RNF180: variants seen among roughly 807,000 people sequenced by gnomAD.
RNF180 encodes E3 ubiquitin-protein ligase RNF180.
RNF180 carries 38 observed loss-of-function variants against 59.2 expected under a neutral mutation model. That is an observed-to-expected ratio of 0.64 (90% CI 0.50 to 0.84). RNF180 has a LOEUF of 0.84. Among genes scored for constraint, RNF180 ranks in the 40% least tolerant of loss-of-function variants. The pLI is 0.00. For missense variants in RNF180, 705 were observed against 700.9 expected, an observed-to-expected ratio of 1.01 and a Z score of -0.07; for synonymous variants, 262 against 240.3, an observed-to-expected ratio of 1.09 and a Z score of -0.84.
chr5:64,219,313 TTATAC>T (rs1441310272), intron 5 of RNF180, among the ~76,000 whole-genome samples: 1 of 152,204 alleles, frequency 6.6e-6, no homozygotes, highest in African/African-American at 2.4e-5. Context: ...CTACACTTTG[TTATAC>T]TATATTATTA....
rs75521420 is a variant in RNF180 at position 64,171,411 on chromosome 5, C to T, written c.-1+5458C>T. ...AGTAAGGGCATTGTCAGCCTTTTGA[C>T]ATGGGAAGGCCTGAGCCCATCCAGA... On this transcript the variant is annotated intron_variant, in intron 1 of 7. Transcript: ENST00000389100. 0.011 allele frequency among the ~76,000 whole-genome samples: 1,673 copies of T among 152,214 alleles called. 125 individuals are homozygous for T. The East Asian group carries it at 0.2, about 18-fold the overall frequency.
At chr5:64,289,936 T>G (rs1742487299) in intron 5 of RNF180, among the ~76,000 whole-genome samples, 1 of 152,198 alleles carries the variant, frequency 6.6e-6, no homozygotes, top group South Asian at 2.1e-4. Context: ...CTTTAGGGTT[T>G]GTTTGCTCTT....
At chr5:64,199,973 CTT>C (rs1751657922) in intron 1 of RNF180, among the ~76,000 whole-genome samples, 3 of 152,138 alleles carry the variant, frequency 2.0e-5, no homozygotes, top group Admixed American at 6.5e-5. Flanking sequence ...ATAGTGGAGA[CTT>C]TGTCGCTTTC....
At chr5:64,230,719 C>T (rs1426124245) in intron 5 of RNF180, among the ~76,000 whole-genome samples, 1 of 152,148 alleles carries the variant, frequency 6.6e-6, no homozygotes, top group South Asian at 2.1e-4. Flanking sequence ...ATTCTGCTTA[C>T]CACAGATAGT....
intron 1 of RNF180, among the ~76,000 whole-genome samples, chr5:64,193,084 C>T (rs887268667): frequency 5.3e-5 from 8 of 151,514 alleles, no homozygotes; most frequent in African/African-American, 1.7e-4. Context: ...CTAAGATAGT[C>T]AAACTCATAG....
In RNF180 at chr5:64,369,865, A is replaced by G. The variant is rs912304609; in HGVS notation, c.*51A>G. 1 of 1,018,710 alleles carries G rather than the reference A, an allele frequency of 9.8e-7. No individual in the cohort carries two copies. The highest frequency in any genetic ancestry group is 1.3e-6 in the Non-Finnish European group (1 of 751,026). 63.1% of individuals were successfully genotyped at this position (1,018,710 alleles called of 1,614,324 possible). A position where few individuals can be genotyped will look rare whatever the true frequency, so the allele number is the denominator to read the frequency against. ...CCAATCATAAATGATGTAAATAACA[A>G]TTGCTTAAACATTTTTAAATGTGCT... On this transcript the variant is annotated 3_prime_UTR_variant, in exon 8 of 8. Transcript: ENST00000389100.
chr5:64,283,589 T>C (rs10076464), intron 5 of RNF180, among the ~76,000 whole-genome samples: 67,840 of 151,866 alleles, frequency 0.45, 16,530 homozygotes, highest in African/African-American at 0.65. Flanking sequence ...GCAGTTTCCC[T>C]CATGATGTTC....
intron 5 of RNF180, among the ~76,000 whole-genome samples, chr5:64,268,220 T>C (rs553420686): frequency 6.6e-6 from 1 of 152,272 alleles, no homozygotes; most frequent in East Asian, 1.9e-4. Flanking sequence ...GTTCCTACCT[T>C]ATTTGGGTTT....
intron 6 of RNF180, among the ~76,000 whole-genome samples, chr5:64,326,812 T>C (rs989002328): frequency 1.3e-5 from 2 of 152,150 alleles, no homozygotes; most frequent in Non-Finnish European, 2.9e-5. Context: ...CAGAGTTATG[T>C]TGGCCTTGTA....
intron 7 of RNF180, among the ~76,000 whole-genome samples, chr5:64,344,291 G>A (rs1055279389): frequency 2.0e-5 from 3 of 151,960 alleles, no homozygotes. Context: ...AAGCAGCTGT[G>A]GCTATGTTAA....
chr5:64,322,388 A>G (rs576835327), intron 5 of RNF180, among the ~76,000 whole-genome samples: 1 of 152,266 alleles, frequency 6.6e-6, no homozygotes, highest in African/African-American at 2.4e-5. Context: ...CAAACATATG[A>G]AAAAAAGCTC....
intron 7 of RNF180, among the ~76,000 whole-genome samples, chr5:64,354,555 C>CAAAA (rs777712035): frequency 6.8e-6 from 1 of 147,486 alleles, no homozygotes; most frequent in East Asian, 2.0e-4. Context: ...TCAAACTGTT[C>CAAAA]AAAAAAAAAA....
chr5:64,323,217 G>A (rs1301550997), intron 5 of RNF180, among the ~76,000 whole-genome samples: 1 of 152,072 alleles, frequency 6.6e-6, no homozygotes, highest in Non-Finnish European at 1.5e-5. Context: ...AACTATTTTT[G>A]TTAACACTTA....
intron 5 of RNF180, among the ~76,000 whole-genome samples, chr5:64,237,709 G>C (rs548289111): frequency 2.0e-5 from 3 of 152,184 alleles, no homozygotes; most frequent in Admixed American, 6.5e-5. Context: ...GAAGAGATTG[G>C]GTGGGAAGTG....
At chr5:64,301,856 A>C (rs918439314) in intron 5 of RNF180, among the ~76,000 whole-genome samples, 1 of 151,650 alleles carries the variant, frequency 6.6e-6, no homozygotes, top group African/African-American at 2.4e-5. Flanking sequence ...TGCCCAAAGT[A>C]AGTCAGATGG....
chr5:64,364,170 G>A (rs1361580327), intron 7 of RNF180, among the ~76,000 whole-genome samples: 1 of 151,650 alleles, frequency 6.6e-6, no homozygotes, highest in Non-Finnish European at 1.5e-5. Context: ...GTTTTTCAAG[G>A]GGAATGCTTC....
chr5:64,242,741 A>G (rs1441317368), intron 5 of RNF180, among the ~76,000 whole-genome samples: 2 of 152,230 alleles, frequency 1.3e-5, no homozygotes, highest in Non-Finnish European at 2.9e-5. Context: ...ATCAGATTCA[A>G]TCCAAGTAAG....
At chr5:64,189,684 G>A (rs1196195581) in intron 1 of RNF180, among the ~76,000 whole-genome samples, 1 of 152,148 alleles carries the variant, frequency 6.6e-6, no homozygotes, top group Non-Finnish European at 1.5e-5. Flanking sequence ...AAGGGAACCA[G>A]AAATTAAGAT....
chr5:64,279,887 G>A (rs1016133677), intron 5 of RNF180, among the ~76,000 whole-genome samples: 6 of 152,128 alleles, frequency 3.9e-5, no homozygotes, highest in Admixed American at 3.9e-4. Flanking sequence ...GAGGTCAGGA[G>A]TTCAAGACCA....
Sources: allele counts gnomAD v4.1 joint callset (sites outside exome capture counted in the v4.1 genomes callset), GRCh38; gene constraint gnomAD v4.1.1; transcripts MANE v1.5; gene names NCBI Gene and HGNC (gene_info 2026-07-23, HGNC 2026-07-21).